The following SNX29 variants were observed in gnomAD, a reference collection of about 807,000 sequenced individuals.
SNX29 encodes the protein sorting nexin-29.
SNX29 carries 78 observed loss-of-function variants against 102.1 expected under a neutral mutation model. The ratio of observed to expected loss-of-function variants is 0.76; its 90% CI spans 0.64 to 0.92. The LOEUF is 0.92. SNX29 is among the 40% of genes least tolerant of loss of function. The probability of loss-of-function intolerance (pLI) is 0.00; values close to 1 mark genes in which losing one functional copy is unlikely to be tolerated. For synonymous variants in SNX29, 580 were observed against 414.5 expected (o/e 1.40, Z -4.85); for missense variants, 1,280 against 1,061.7 (o/e 1.21, Z -2.86).
intron 15 of SNX29, among the ~76,000 whole-genome samples, chr16:12,280,870 C>T (rs749451692): frequency 1.3e-5 from 2 of 152,056 alleles, no homozygotes; most frequent in African/African-American, 2.4e-5. Context: ...AGTTTCTTTC[C>T]GTGTCAGAAG....
At chr16:12,563,386 G>A (rs138943829) in intron 20 of SNX29, among the ~76,000 whole-genome samples, 56 of 152,282 alleles carry the variant, frequency 3.7e-4, no homozygotes, top group South Asian at 1.4e-3. Context: ...TATTTTACCC[G>A]TAACCATGAA....
chr16:12,292,000 G>A (rs2079813253), intron 15 of SNX29, among the ~76,000 whole-genome samples: 1 of 152,232 alleles, frequency 6.6e-6, no homozygotes, highest in Non-Finnish European at 1.5e-5. Context: ...ATTTTTAGCA[G>A]CAAGCAATCA....
rs59548851 is a variant in SNX29 at position 12,143,000 on chromosome 16, A to AT, written c.1595+13256dup. Among the ~76,000 whole-genome samples the AT allele has an allele frequency of 1.5e-3, 209 of 141,338 alleles. 1 individual carries two copies. The highest frequency in any genetic ancestry group is 1.7e-3 in the African/African-American group (66 of 38,882). The allele number at this position is 141,338 out of a possible 152,430, so 92.7% of individuals were successfully genotyped here. On this transcript the variant is annotated intron_variant, in intron 13 of 20. Transcript: ENST00000566228. ...AGGGAAGGATATGCAAGCAAAGAAA[A>AT]TTTTTTTTTTTTTTGAGGCAGAGTT...
intron 18 of SNX29, among the ~76,000 whole-genome samples, chr16:12,424,725 A>G (rs2084991950): frequency 6.6e-6 from 1 of 152,078 alleles, no homozygotes; most frequent in African/African-American, 2.4e-5. Flanking sequence ...ATCTGGGGGG[A>G]TACCTGTAAC....
chr16:12,088,729 C>T (rs966772749), intron 11 of SNX29, among the ~76,000 whole-genome samples: 16 of 152,104 alleles, frequency 1.1e-4, no homozygotes, highest in African/African-American at 3.6e-4. Context: ...GAAGATGGCT[C>T]GAATGCAGGA....
chr16:12,024,490 C>G (rs1012387987), intron 3 of SNX29, among the ~76,000 whole-genome samples: 1 of 152,242 alleles, frequency 6.6e-6, no homozygotes, highest in East Asian at 1.9e-4. Flanking sequence ...CAGATCCAAA[C>G]TGGAGGTGGA....
At chr16:12,524,409 C>T (rs1410808967) in intron 19 of SNX29, among the ~76,000 whole-genome samples, 1 of 151,888 alleles carries the variant, frequency 6.6e-6, no homozygotes, top group East Asian at 1.9e-4. Context: ...ACCCCCAGCA[C>T]CACATTCGGC....
At chr16:12,198,931 C>T (rs1003104130) in intron 13 of SNX29, among the ~76,000 whole-genome samples, 1 of 152,152 alleles carries the variant, frequency 6.6e-6, no homozygotes, top group Non-Finnish European at 1.5e-5. Flanking sequence ...CCCCTTTGTC[C>T]TCATGTTCTG....
chr16:12,431,756 G>A (rs937440998), intron 18 of SNX29, among the ~76,000 whole-genome samples: 2 of 152,200 alleles, frequency 1.3e-5, no homozygotes, highest in Non-Finnish European at 1.5e-5. Flanking sequence ...AGCATCTTCT[G>A]AGCTGTTACC....
At chr16:12,281,939 C>T (rs1295776389) in intron 15 of SNX29, among the ~76,000 whole-genome samples, 1 of 151,796 alleles carries the variant, frequency 6.6e-6, no homozygotes, top group East Asian at 1.9e-4. Flanking sequence ...CAAAAATTAG[C>T]CGGTCATGGT....
chr16:12,387,878 CTGG>C (rs1486850753), intron 16 of SNX29, among the ~76,000 whole-genome samples: 1 of 152,172 alleles, frequency 6.6e-6, no homozygotes, highest in Non-Finnish European at 1.5e-5. Flanking sequence ...TTTCTTGTGA[CTGG>C]TGGAAATTAA....
intron 20 of SNX29, chr16:12,561,102 A>G (rs1175664005): frequency 4.4e-6 from 1 of 226,886 alleles, no homozygotes; most frequent in Non-Finnish European, 8.8e-6. Flanking sequence ...GTGGAATTAG[A>G]TTTCACGGGG....
chr16:12,210,479 C>G (rs73521875), intron 14 of SNX29, among the ~76,000 whole-genome samples: 32,813 of 151,346 alleles, frequency 0.22, 3,599 homozygotes, highest in East Asian at 0.27. Flanking sequence ...CTGGTGTCCA[C>G]CATCACTCTC....
rs372001821 is a variant in SNX29, at chr16:12,477,642, T to TG, written c.2038-73dup. ...TGACTCTTGCTGCAGTTGGTTTTCA[T>TG]GGGGAAAGCATAGCCGAAATCCTAC... On this transcript the variant is annotated intron_variant, in intron 18 of 20. Transcript: ENST00000566228. 8,283 of 1,559,106 alleles carry TG rather than the reference T, an allele frequency of 5.3e-3. 30 individuals carry two copies. The highest frequency in any genetic ancestry group is 6.2e-3 in the Non-Finnish European group (7,160 of 1,150,512).
At chr16:12,390,803 G>A (rs2083502743) in intron 16 of SNX29, among the ~76,000 whole-genome samples, 1 of 151,630 alleles carries the variant, frequency 6.6e-6, no homozygotes, top group Admixed American at 6.6e-5. Context: ...AAGGCCCAGA[G>A]AAGTGGAGTG....
Position 12,569,242 on chromosome 16 carries a change from G to C in SNX29, c.*613G>C, listed in dbSNP as rs2141576202. 2 of 225,548 alleles carry C rather than the reference G, an allele frequency of 8.9e-6. No homozygotes were observed. Among genetic ancestry groups the C allele is most frequent in the South Asian group, 3.7e-4 (2 of 5,462 alleles). 14.0% of individuals were successfully genotyped at this position (225,548 alleles called of 1,614,324 possible). On this transcript the variant is annotated 3_prime_UTR_variant, in exon 21 of 21. Transcript: ENST00000566228. ...GGGATATTCCTGTGGCTTTGGCAAG[G>C]AGCCATTAGTGATGTGCAACTTGAG...
At chr16:12,481,306 C>T (rs1481310693) in intron 19 of SNX29, among the ~76,000 whole-genome samples, 1 of 151,972 alleles carries the variant, frequency 6.6e-6, no homozygotes, top group Non-Finnish European at 1.5e-5. Context: ...GGCCACAGCT[C>T]CATTTCTCGC....
At chr16:12,200,286 C>G (rs942614023) in intron 14 of SNX29, among the ~76,000 whole-genome samples, 1 of 152,086 alleles carries the variant, frequency 6.6e-6, no homozygotes. Flanking sequence ...TCATGAAGAT[C>G]TTGCCAAATG....
At chr16:12,530,573 G>A (rs534480036) in intron 20 of SNX29, among the ~76,000 whole-genome samples, 2 of 150,206 alleles carry the variant, frequency 1.3e-5, no homozygotes, top group East Asian at 3.9e-4. Flanking sequence ...TTTTTTTGGT[G>A]GGGAACAGTT....
Sources: gnomAD v4.1 joint callset for allele counts (sites outside exome capture counted in the v4.1 genomes callset) on GRCh38, gnomAD v4.1.1 for gene constraint, MANE v1.5 for transcripts, NCBI Gene and HGNC (gene_info 2026-07-23, HGNC 2026-07-21) for gene names.